Variants in ARHGAP28 observed in about 807,000 individuals in gnomAD.
ARHGAP28 encodes rho GTPase-activating protein 28.
A neutral mutation model predicts 90.7 loss-of-function variants in ARHGAP28; 56 were observed. That is an observed-to-expected ratio of 0.62 (90% confidence interval 0.50 to 0.77). The LOEUF (loss-of-function observed/expected upper bound fraction) is 0.77, where lower values mean the gene tolerates loss of function less well. Among genes scored for constraint, ARHGAP28 ranks in the 30% least tolerant of loss-of-function variants. ARHGAP28 has a pLI of 0.00. For missense variants in ARHGAP28, 869 were observed against 900.9 expected (o/e 0.96, Z 0.45); for synonymous variants, 308 against 323.3 (o/e 0.95, Z 0.51).
chr18:6,911,196 T>C (rs2057397128), intron 17 of ARHGAP28, among the ~76,000 whole-genome samples: 1 of 152,156 alleles, frequency 6.6e-6, no homozygotes, highest in African/African-American at 2.4e-5. Flanking sequence ...CGTAAAGACT[T>C]TCGAATACGT....
At chr18:6,841,180 C>CCG in intron 3 of ARHGAP28, among the ~76,000 whole-genome samples, 1 of 57,068 alleles carries the variant, frequency 1.8e-5, no homozygotes, top group African/African-American at 1.0e-4. Context: ...CTCTCTCTCT[C>CCG]CTCTCTCTCT....
At chr18:6,824,128 C>G (rs1419049363) in intron 1 of ARHGAP28, among the ~76,000 whole-genome samples, 1 of 152,278 alleles carries the variant, frequency 6.6e-6, no homozygotes, top group Non-Finnish European at 1.5e-5. Context: ...CAGAAACAAA[C>G]TTTTACTGTG....
chr18:6,891,771 T>A (rs56714110), intron 14 of ARHGAP28, among the ~76,000 whole-genome samples: 1 of 151,814 alleles, frequency 6.6e-6, no homozygotes, highest in African/African-American at 2.4e-5. Context: ...AAAAAAAATT[T>A]TGTAGAGATG....
chr18:6,864,511 A>G (rs1213143372), intron 5 of ARHGAP28, among the ~76,000 whole-genome samples: 2 of 152,214 alleles, frequency 1.3e-5, no homozygotes, highest in African/African-American at 4.8e-5. Context: ...TTGTGTGTGT[A>G]CACATATACA....
chr18:6,761,179 G>A (rs2056156732), intron 1 of ARHGAP28, among the ~76,000 whole-genome samples: 1 of 151,972 alleles, frequency 6.6e-6, no homozygotes, highest in Non-Finnish European at 1.5e-5. Flanking sequence ...GAGGGCAGGG[G>A]CAGGTAGTGA....
intron 15 of ARHGAP28, among the ~76,000 whole-genome samples, chr18:6,895,853 T>G (rs1325646727): frequency 6.6e-6 from 1 of 152,224 alleles, no homozygotes; most frequent in East Asian, 1.9e-4. Flanking sequence ...TATTCTAGGA[T>G]ATCAATAGAA....
At chr18:6,899,521 C>G (rs2057327172) in intron 16 of ARHGAP28, among the ~76,000 whole-genome samples, 1 of 152,092 alleles carries the variant, frequency 6.6e-6, no homozygotes, top group Admixed American at 6.5e-5. Flanking sequence ...CTGCCCTACT[C>G]CAGCCAAACA....
intron 1 of ARHGAP28, among the ~76,000 whole-genome samples, chr18:6,730,806 A>G (rs2055874724): frequency 6.6e-6 from 1 of 152,160 alleles, no homozygotes; most frequent in Admixed American, 6.5e-5. Context: ...TCCACTGACG[A>G]GTGCTTTTCT....
intron 3 of ARHGAP28, among the ~76,000 whole-genome samples, chr18:6,841,203 C>T (rs1301833091): frequency 2.4e-5 from 1 of 41,970 alleles, no homozygotes. Context: ...CTCTCTCTCT[C>T]CTCTCCTCTC....
At chr18:6,866,333 T>C (rs1004458926) in intron 5 of ARHGAP28, among the ~76,000 whole-genome samples, 6 of 152,236 alleles carry the variant, frequency 3.9e-5, no homozygotes, top group Non-Finnish European at 7.3e-5. Context: ...TACCATGACT[T>C]GACTCCTGGT....
chr18:6,851,076 A>G lies in ARHGAP28; in HGVS notation c.586A>G (p.Thr196Ala). Residue 196 changes from threonine (T) to alanine (A), a missense_variant, in exon 4 of 18, where the codon ACC (threonine) becomes GCC (alanine). Coordinates refer to ENST00000383472, the MANE Select transcript of ARHGAP28 (RefSeq NM_001366230.1). ...CAACCACACTAATCAGCTGGATGGC[A>G]CCAAGGAAGAAAGAGAGCTTCCAAG... Reference protein sequence around the residue: ...CGNHTNQLDGTKEERELPRVI... With the variant: ...CGNHTNQLDGAKEERELPRVI... 6.2e-7 allele frequency: 1 copy of G among 1,614,158 alleles called. No homozygotes were observed. Among genetic ancestry groups the G allele is most frequent in the Non-Finnish European group, 8.5e-7 (1 of 1,180,012 alleles).
At chr18:6,846,412 T>G (rs2056866530) in intron 3 of ARHGAP28, among the ~76,000 whole-genome samples, 2 of 152,160 alleles carry the variant, frequency 1.3e-5, no homozygotes, top group Admixed American at 1.3e-4. Context: ...GCTGAGTGGT[T>G]TGGATGTGGC....
At chr18:6,785,376 T>C (rs1485076762) in intron 1 of ARHGAP28, among the ~76,000 whole-genome samples, 1 of 152,236 alleles carries the variant, frequency 6.6e-6, no homozygotes, top group African/African-American at 2.4e-5. Flanking sequence ...AACTCTTTCC[T>C]CACTCCTTCC....
chr18:6,827,912 G>C (rs1193329267), intron 2 of ARHGAP28, among the ~76,000 whole-genome samples: 1 of 151,784 alleles, frequency 6.6e-6, no homozygotes, highest in Non-Finnish European at 1.5e-5. Context: ...ATGGGATGGC[G>C]GCCGGGCAGA....
At chr18:6,872,981 T>C (rs2057101623) in intron 7 of ARHGAP28, among the ~76,000 whole-genome samples, 1 of 152,122 alleles carries the variant, frequency 6.6e-6, no homozygotes, top group Non-Finnish European at 1.5e-5. Context: ...AAAGATTGAC[T>C]GCCCAAGAAG....
intron 1 of ARHGAP28, among the ~76,000 whole-genome samples, chr18:6,734,326 A>G (rs1337902574): frequency 6.6e-6 from 1 of 152,156 alleles, no homozygotes; most frequent in Non-Finnish European, 1.5e-5. Context: ...AATGAAGTAC[A>G]ATGTTTTTTT....
chr18:6,845,473 A>C (rs1012738105), intron 3 of ARHGAP28, among the ~76,000 whole-genome samples: 1 of 152,086 alleles, frequency 6.6e-6, no homozygotes. Context: ...CAGGTTTGTT[A>C]CCTAGGTAAA....
At chr18:6,827,413 G>C (rs1311558043) in intron 2 of ARHGAP28, among the ~76,000 whole-genome samples, 2 of 143,380 alleles carry the variant, frequency 1.4e-5, no homozygotes, top group East Asian at 2.2e-4. Flanking sequence ...CCGGGAGGGG[G>C]GTTGACCCCC....
At chr18:6,773,716 G>A (rs552215759) in intron 1 of ARHGAP28, among the ~76,000 whole-genome samples, 3 of 152,186 alleles carry the variant, frequency 2.0e-5, no homozygotes, top group South Asian at 2.1e-4. Context: ...AAAATCTTTC[G>A]GGAATAGGAA....
Sources: allele counts gnomAD v4.1 joint callset (sites outside exome capture counted in the v4.1 genomes callset), GRCh38; gene constraint gnomAD v4.1.1; transcripts MANE v1.5; gene names NCBI Gene and HGNC (gene_info 2026-07-23, HGNC 2026-07-21).